Variants in LARGE1 observed in about 807,000 individuals in gnomAD.
LARGE1 encodes the protein xylosyl- and glucuronyltransferase LARGE1.
LARGE1 carries 43 observed loss-of-function variants against 87.6 expected under a neutral mutation model. The ratio of observed to expected loss-of-function variants is 0.49; its 90% confidence interval spans 0.38 to 0.63. The LOEUF (loss-of-function observed/expected upper bound fraction) is 0.63, where lower values mean the gene tolerates loss of function less well. Ranked by LOEUF, LARGE1 falls within the 30% of genes least tolerant of loss-of-function variation. The probability of loss-of-function intolerance (pLI) is 0.00; values close to 1 mark genes in which losing one functional copy is unlikely to be tolerated. For missense variants in LARGE1, 802 were observed against 1,000.2 expected (o/e 0.80, Z 2.67); for synonymous variants, 434 against 394.6 (o/e 1.10, Z -1.18).
chr22:33,920,520 A>G (rs113084764), upstream of LARGE1: 145,076 of 145,102 alleles, frequency 1, 72,525 homozygotes, highest in Middle Eastern at 1. Context: ...GGGGGCTGCA[A>G]CCGGCCGCGG....
At chr22:33,406,968 T>C (rs2066125104) in intron 7 of LARGE1, among the ~76,000 whole-genome samples, 1 of 151,984 alleles carries the variant, frequency 6.6e-6, no homozygotes, top group Admixed American at 6.6e-5. Context: ...AATTTTTATA[T>C]TTTTAGCAGA....
chr22:33,122,488 A>G, the LARGE1 span, among the ~76,000 whole-genome samples: 1 of 150,918 alleles, frequency 6.6e-6, no homozygotes, highest in Non-Finnish European at 1.5e-5. Context: ...CCTCCTGAAT[A>G]GCTGGGATTA....
chr22:33,620,654 G>A (rs1055908684), intron 4 of LARGE1, among the ~76,000 whole-genome samples: 4 of 152,136 alleles, frequency 2.6e-5, no homozygotes, highest in African/African-American at 9.7e-5. Flanking sequence ...AGGCATGGTG[G>A]CTCACACCTG....
At position 33,394,434 on chromosome 22, in the gene LARGE1, G is replaced by A. The variant is rs552783526; in HGVS notation, c.893-10130C>T. ...AGGCTGGTCTCGAACTCCTGACCTC[G>A]TAATCCGCATGCCTCGGCCTCCCGA... On this transcript the variant is annotated intron_variant, in intron 7 of 14. Transcript: ENST00000397394. Among the ~76,000 whole-genome samples, 43 of 152,160 alleles carry A rather than the reference G, an allele frequency of 2.8e-4. 1 individual carries two copies. The highest frequency in any genetic ancestry group is 8.7e-4 in the African/African-American group (36 of 41,528).
intron 12 of LARGE1, among the ~76,000 whole-genome samples, chr22:33,288,959 T>C (rs1035829061): frequency 1.1e-4 from 17 of 151,996 alleles, no homozygotes; most frequent in African/African-American, 3.6e-4. Context: ...ATTATTATTA[T>C]TATTATTATT....
chr22:33,109,245 A>G, the LARGE1 span: 1 of 152,192 alleles, frequency 6.6e-6, no homozygotes. Context: ...TTTGGTTGCT[A>G]AAGTTGGGGC....
intron 1 of LARGE1, among the ~76,000 whole-genome samples, chr22:33,897,406 G>C (rs2065173450): frequency 6.6e-6 from 1 of 152,180 alleles, no homozygotes; most frequent in African/African-American, 2.4e-5. Context: ...GGCAGAATAA[G>C]GGGTTCCTTC....
At chr22:33,508,702 T>C (rs1050142847) in intron 6 of LARGE1, among the ~76,000 whole-genome samples, 1 of 152,194 alleles carries the variant, frequency 6.6e-6, no homozygotes, top group Non-Finnish European at 1.5e-5. Context: ...GCAACTTTAA[T>C]ATATACCCCA....
chr22:33,633,051 G>A (rs2080157956), intron 3 of LARGE1, among the ~76,000 whole-genome samples: 1 of 152,170 alleles, frequency 6.6e-6, no homozygotes, highest in South Asian at 2.1e-4. Context: ...GTCAAGGGAT[G>A]ACCTTGTCTT....
At chr22:33,463,525 T>G (rs78008039) in intron 6 of LARGE1, among the ~76,000 whole-genome samples, 4,395 of 152,260 alleles carry the variant, frequency 0.029, 182 homozygotes, top group African/African-American at 0.091. Flanking sequence ...ACAACAATTC[T>G]CATCAAATTA....
At chr22:33,163,538 A>G (rs535107065) in exon 12 of LARGE1, 1 of 152,364 alleles carries the variant, frequency 6.6e-6, no homozygotes, top group Admixed American at 6.5e-5. Flanking sequence ...AAATACAAAA[A>G]TAAGACTTAA....
At position 33,267,048 on chromosome 22, in the gene LARGE1, T is replaced by A. The variant is rs190628636; in HGVS notation, c.1730+37181A>T. 9.8e-3 allele frequency among the ~76,000 whole-genome samples: 1,481 copies of A among 151,612 alleles called. 9 individuals are homozygous for A. The highest frequency in any genetic ancestry group is 0.018 in the Non-Finnish European group (1,218 of 68,016). ...TGAGGCCAGGAGTTCGAGACCAGCC[T>A]GGCCAACATGGCAAAACCCTGTATC... On this transcript the variant is annotated intron_variant, in intron 11 of 11. Coordinates refer to the LARGE1 transcript ENST00000608642.
At position 33,304,229 on chromosome 22, in the gene LARGE1, C is replaced by T; in HGVS notation, c.1730G>A (p.Arg577Lys). 1 of 1,614,170 alleles carries T rather than the reference C, an allele frequency of 6.2e-7. No homozygotes were observed. The highest frequency in any genetic ancestry group is 1.6e-4 in the Middle Eastern group (1 of 6,062). ...LPMYGLYEYLRKSVIQLDLAN... is the reference protein window; with the variant it reads ...LPMYGLYEYLKKSVIQLDLAN... ...TGGCCAGGCCCCTGCAGGTCCTTAC[C>T]TGAGGTACTCATAGAGCCCATACAT... Residue 577 changes from arginine (R) to lysine (K), a missense_variant and splice_region_variant, in exon 12 of 15, where the codon AGG becomes AAG. Physicochemically the swap from Arg to Lys is conservative, Grantham distance 26. Coordinates refer to ENST00000397394, the MANE Select transcript of LARGE1 (RefSeq NM_133642.5).
chr22:33,121,895 A>G, the LARGE1 span, among the ~76,000 whole-genome samples: 1 of 152,154 alleles, frequency 6.6e-6, no homozygotes, highest in African/African-American at 2.4e-5. Context: ...TCCCCTTTAT[A>G]AAACCATCAG....
chr22:33,875,374 G>A (rs2064431260), intron 1 of LARGE1, among the ~76,000 whole-genome samples: 1 of 152,194 alleles, frequency 6.6e-6, no homozygotes, highest in Non-Finnish European at 1.5e-5. Context: ...ATCTCTCTGT[G>A]GCCAGGGCCA....
intron 6 of LARGE1, among the ~76,000 whole-genome samples, chr22:33,439,088 C>A (rs1244605106): frequency 5.3e-5 from 8 of 151,962 alleles, no homozygotes; most frequent in Non-Finnish European, 8.8e-5. Flanking sequence ...GTGGCATGCA[C>A]CTGTAATCCC....
At chr22:33,133,262 T>C in the LARGE1 span, among the ~76,000 whole-genome samples, 1 of 152,118 alleles carries the variant, frequency 6.6e-6, no homozygotes, top group Non-Finnish European at 1.5e-5. Context: ...ACACGTGCCA[T>C]GGTAGTTTGC....
chr22:33,491,482 T>G (rs1375384881), intron 6 of LARGE1, among the ~76,000 whole-genome samples: 1 of 152,174 alleles, frequency 6.6e-6, no homozygotes, highest in African/African-American at 2.4e-5. Context: ...CAGCCCAGAT[T>G]CAATAATTTA....
At chr22:33,766,919 TA>T in intron 1 of LARGE1, among the ~76,000 whole-genome samples, 1 of 4,076 alleles carries the variant, frequency 2.5e-4, no homozygotes, top group South Asian at 8.9e-3. Flanking sequence ...TATACATATA[TA>T]TATATATATA....
Sources: gnomAD v4.1 joint callset for allele counts (sites outside exome capture counted in the v4.1 genomes callset) on GRCh38, gnomAD v4.1.1 for gene constraint, MANE v1.5 for transcripts, NCBI Gene and HGNC (gene_info 2026-07-23, HGNC 2026-07-21) for gene names.